COPS8: variants seen among roughly 807,000 people sequenced by gnomAD.
COPS8 encodes COP9 signalosome complex subunit 8.
Under a neutral mutation model 31.5 loss-of-function variants are expected in COPS8, and 11 were observed. The ratio of observed to expected loss-of-function variants is 0.35; its 90% CI spans 0.22 to 0.58. The LOEUF (loss-of-function observed/expected upper bound fraction) is 0.58. Among genes scored for constraint, COPS8 ranks in the 20% least tolerant of loss-of-function variants. The probability of loss-of-function intolerance (pLI) is 0.83; values close to 1 mark genes in which losing one functional copy is unlikely to be tolerated. For missense variants in COPS8, 215 were observed against 255.1 expected (o/e 0.84, Z 1.07); for synonymous variants, 81 against 89.3 (o/e 0.91, Z 0.52).
chr2:237,088,572 T>G (rs1355464101), intron 2 of COPS8, 33 bp from the exon 3 acceptor site: 1 of 1,501,536 alleles, frequency 6.7e-7, no homozygotes, highest in African/African-American at 1.4e-5. Context: ...ATGTTTTTAA[T>G]TGATTATTCT....
intron 6 of COPS8, 110 bp from the exon 7 acceptor site, chr2:237,096,712 G>T: frequency 1.3e-6 from 1 of 790,214 alleles, no homozygotes. Flanking sequence ...ATCCCTGTTT[G>T]AGAAATAAAT....
rs1696868476 is a variant in COPS8, at chr2:237,100,028, T to C, written c.*2286T>C. 6.6e-6 allele frequency: 1 copy of C among 152,204 alleles called. No homozygotes were observed. The highest frequency in any genetic ancestry group is 2.4e-5 in the African/African-American group (1 of 41,440). 9.4% of individuals were successfully genotyped at this position (152,204 alleles called of 1,614,324 possible). On this transcript the variant is annotated 3_prime_UTR_variant, in exon 8 of 8. Coordinates refer to ENST00000354371, the MANE Select transcript of COPS8 (RefSeq NM_006710.5). ...TTTCACTTCCCTTTATTATCAGTTCTCAGGACAAATTGATATGCTGCCAAT... is the reference window on the plus strand; with the variant it reads ...TTTCACTTCCCTTTATTATCAGTTCCCAGGACAAATTGATATGCTGCCAAT...
intron 4 of COPS8, among the ~76,000 whole-genome samples, chr2:237,090,400 A>G (rs1696686267): frequency 6.6e-6 from 1 of 152,212 alleles, no homozygotes; most frequent in South Asian, 2.1e-4. Context: ...TTATCAGTTT[A>G]ATACATAGAT....
intron 3 of COPS8, among the ~76,000 whole-genome samples, chr2:237,088,994 G>A (rs757117097): frequency 6.6e-5 from 10 of 152,084 alleles, no homozygotes; most frequent in African/African-American, 9.7e-5. Flanking sequence ...TTCCTATAAT[G>A]GTACTTATTT....
At position 237,097,899 on chromosome 2, in the gene COPS8, C is replaced by A; in HGVS notation, c.*157C>A. ...TATAGAATATAAGATATACTATATACATTTTGTCCATAAACGTTATGCTGA... is the reference window on the plus strand; with the variant it reads ...TATAGAATATAAGATATACTATATAAATTTTGTCCATAAACGTTATGCTGA... On this transcript the variant is annotated 3_prime_UTR_variant, in exon 8 of 8. Transcript: ENST00000354371. 1.9e-6 allele frequency: 1 copy of A among 532,638 alleles called. No homozygotes were observed. Among genetic ancestry groups the A allele is most frequent in the South Asian group, 2.5e-5 (1 of 40,278 alleles). 33.0% of individuals were successfully genotyped at this position (532,638 alleles called of 1,614,324 possible). A position where few individuals can be genotyped will look rare whatever the true frequency, so the allele number is the denominator to read the frequency against.
intron 4 of COPS8, among the ~76,000 whole-genome samples, chr2:237,090,742 G>A (rs1043824096): frequency 6.6e-6 from 1 of 152,168 alleles, no homozygotes; most frequent in Non-Finnish European, 1.5e-5. Flanking sequence ...GCAGACAGCA[G>A]AGATTGTTTC....
chr2:237,092,165 G>A (rs1696715595), intron 4 of COPS8, among the ~76,000 whole-genome samples: 1 of 152,198 alleles, frequency 6.6e-6, no homozygotes, highest in Non-Finnish European at 1.5e-5. Context: ...CAGATATTAG[G>A]TGCTGGCTCA....
At position 237,098,303 on chromosome 2, in the gene COPS8, C is replaced by A. The variant is rs1696840210; in HGVS notation, c.*561C>A. The A allele has an allele frequency of 1.3e-5, 2 of 152,398 alleles. No individual in the cohort carries two copies. The highest frequency in any genetic ancestry group is 1.3e-4 in the Admixed American group (2 of 15,326). 9.4% of individuals were successfully genotyped at this position (152,398 alleles called of 1,614,324 possible). A position where few individuals can be genotyped will look rare whatever the true frequency, so the allele number is the denominator to read the frequency against. The stretch of plus-strand genomic sequence containing the variant: ...TTTCCATACTAAACCAGTTTGTTAA[C>A]TTTAGATTTTTTCCAATAGTGTGAG... On this transcript the variant is annotated 3_prime_UTR_variant, in exon 8 of 8. Coordinates refer to ENST00000354371, the MANE Select transcript of COPS8 (RefSeq NM_006710.5).
rs1321529705 is a variant in COPS8 at position 237,089,966 on chromosome 2, G to A, written c.303G>A (p.Thr101=). ...TCAACGCTCACCAGTGGTCTGAGAC[G>A]GTCCAGCCAATTATGGAAGCACTTA... The part of the protein sequence containing the change: ...TTINAHQWSE[T]VQPIMEALRD... Residue 101 remains threonine (T), a synonymous_variant, in exon 4 of 8, where the codon ACG becomes ACA. Transcript: ENST00000354371. 5.0e-6 allele frequency: 8 copies of A among 1,613,944 alleles called. No homozygotes were observed. The highest frequency in any genetic ancestry group is 6.8e-6 in the Non-Finnish European group (8 of 1,179,928).
intron 4 of COPS8, chr2:237,093,622 G>A: frequency 1.1e-6 from 1 of 888,190 alleles, no homozygotes; most frequent in Non-Finnish European, 1.3e-6. Flanking sequence ...TGCAGACTTG[G>A]AAGAATGCTC....
In COPS8 at chr2:237,086,644, A is replaced by G. The variant is rs111263661; in HGVS notation, c.79-483A>G. On this transcript the variant is annotated intron_variant, in intron 1 of 7. Coordinates refer to ENST00000354371, the MANE Select transcript of COPS8 (RefSeq NM_006710.5). The stretch of plus-strand genomic sequence containing the variant: ...CAACATCCAGAAGCAGCAGCTCACT[A>G]ATAGATAATAGATACTTTCCAGTTG... 560 of 193,472 alleles carry G rather than the reference A, an allele frequency of 2.9e-3. 2 individuals are homozygous for G. Among genetic ancestry groups the G allele is most frequent in the African/African-American group, 0.013 (533 of 42,326 alleles). 12.0% of individuals were successfully genotyped at this position (193,472 alleles called of 1,614,324 possible). A position where few individuals can be genotyped will look rare whatever the true frequency, so the allele number is the denominator to read the frequency against.
rs1696851309 is a variant in COPS8 at position 237,099,063 on chromosome 2, G to C, written c.*1321G>C. ...GGTATTAAGTACAAATTGTATCCAT[G>C]GTTATTTTTTAAAAGCAGATTAGAG... On this transcript the variant is annotated 3_prime_UTR_variant, in exon 8 of 8. Coordinates refer to ENST00000354371, the MANE Select transcript of COPS8 (RefSeq NM_006710.5). The C allele has an allele frequency of 6.6e-6, 1 of 152,036 alleles. No individual in the cohort carries two copies. Among genetic ancestry groups the C allele is most frequent in the African/African-American group, 2.4e-5 (1 of 41,398 alleles). 9.4% of individuals were successfully genotyped at this position (152,036 alleles called of 1,614,324 possible).
chr2:237,095,810 ATAC>A lies in COPS8; in HGVS notation c.440-10_440-8del, dbSNP rs1696789547. ...TTCTTTCCGGATCTTTATGTGTAAT[ATAC>A]TTTTTTAGGCATATTAGAACAAGGA... On this transcript the variant is annotated splice_polypyrimidine_tract_variant and intron_variant, in intron 5 of 7. Coordinates refer to ENST00000354371, the MANE Select transcript of COPS8 (RefSeq NM_006710.5). 6.3e-7 allele frequency: 1 copy of A among 1,587,758 alleles called. No individual in the cohort carries two copies. Among genetic ancestry groups the A allele is most frequent in the South Asian group, 1.1e-5 (1 of 90,534 alleles).
intron 4 of COPS8, chr2:237,093,867 T>C: frequency 5.1e-6 from 6 of 1,172,804 alleles, no homozygotes; most frequent in Non-Finnish European, 6.3e-6. Flanking sequence ...TATCTGAGAT[T>C]TTTCATCCAA....
At chr2:237,087,036 A>G (rs1042849581) in intron 1 of COPS8, 91 bp from the exon 2 acceptor site, 2 of 789,322 alleles carry the variant, frequency 2.5e-6, no homozygotes, top group Middle Eastern at 3.7e-4. Flanking sequence ...TAGCATTTAT[A>G]AAATATTATT....
At chr2:237,093,321 A>C (rs1167639401) in intron 4 of COPS8, among the ~76,000 whole-genome samples, 1 of 152,244 alleles carries the variant, frequency 6.6e-6, no homozygotes, top group Non-Finnish European at 1.5e-5. Flanking sequence ...CTGGCCTATT[A>C]AATATGGAAA....
At chr2:237,096,890 A>G (rs1448757218) in intron 7 of COPS8, 21 bp downstream of exon 7, 4 of 1,541,520 alleles carry the variant, frequency 2.6e-6, no homozygotes, top group African/African-American at 1.4e-5. Context: ...TCATATGCAC[A>G]TTTTTTAATG....
Position 237,098,849 on chromosome 2 carries a change from C to G in COPS8, c.*1107C>G, listed in dbSNP as rs10203474. 6.6e-6 allele frequency: 1 copy of G among 151,992 alleles called. No individual in the cohort carries two copies. Among genetic ancestry groups the G allele is most frequent in the Non-Finnish European group, 1.5e-5 (1 of 67,998 alleles). The allele number at this position is 151,992 out of a possible 1,614,324, so 9.4% of individuals were successfully genotyped here. A position where few individuals can be genotyped will look rare whatever the true frequency, so the allele number is the denominator to read the frequency against. On this transcript the variant is annotated 3_prime_UTR_variant, in exon 8 of 8. Coordinates refer to ENST00000354371, the MANE Select transcript of COPS8 (RefSeq NM_006710.5). ...TTATATAATTTATTTATTTTGAATG[C>G]ATTTTAGTGGCTATTTCAGTTTTTC...
At position 237,098,573 on chromosome 2, in the gene COPS8, T is replaced by TA. The variant is rs1161006892; in HGVS notation, c.*831_*832insA. The stretch of plus-strand genomic sequence containing the variant: ...CTTTGGAGAAATACTGAGCAAGTCT[T>TA]TCATTCTCTGTGTGACAGCCCTCTG... On this transcript the variant is annotated 3_prime_UTR_variant, in exon 8 of 8. Coordinates refer to ENST00000354371, the MANE Select transcript of COPS8 (RefSeq NM_006710.5). 6.6e-6 allele frequency: 1 copy of TA among 152,240 alleles called. No homozygotes were observed. Among genetic ancestry groups the TA allele is most frequent in the East Asian group, 1.9e-4 (1 of 5,206 alleles). 9.4% of individuals were successfully genotyped at this position (152,240 alleles called of 1,614,324 possible). A position where few individuals can be genotyped will look rare whatever the true frequency, so the allele number is the denominator to read the frequency against.
Sources: gnomAD v4.1 joint callset for allele counts (sites outside exome capture counted in the v4.1 genomes callset) on GRCh38, gnomAD v4.1.1 for gene constraint, MANE v1.5 for transcripts, NCBI Gene and HGNC (gene_info 2026-07-23, HGNC 2026-07-21) for gene names.